Variants in PCDHGC3 observed in about 807,000 individuals in gnomAD.
PCDHGC3 encodes the protein protocadherin gamma-C3.
A neutral mutation model predicts 59.2 loss-of-function variants in PCDHGC3; 26 were observed. The observed-to-expected ratio is 0.44, with a 90% confidence interval of 0.32 to 0.61. The LOEUF (loss-of-function observed/expected upper bound fraction) is 0.61. Among genes scored for constraint, PCDHGC3 ranks in the 20% least tolerant of loss-of-function variants. The pLI is 0.05. For missense variants in PCDHGC3, 1,080 were observed against 1,221.8 expected (o/e 0.88, Z 1.73); for synonymous variants, 487 against 519.7 (o/e 0.94, Z 0.86).
At chr5:141,505,348 G>A (rs1414647950) in intron 2 of PCDHGC3, 45 bp from the exon 3 acceptor site, 1 of 1,613,358 alleles carries the variant, frequency 6.2e-7, no homozygotes, top group Admixed American at 1.7e-5. Context: ...GGCATGAGCT[G>A]TGCCGGCCTG....
chr5:141,492,695 A>G (rs925499358), intron 1 of PCDHGC3, among the ~76,000 whole-genome samples: 14 of 152,214 alleles, frequency 9.2e-5, no homozygotes, highest in African/African-American at 3.1e-4. Context: ...CGACCCCTCA[A>G]CCCAGAAGCC....
Position 141,477,902 on chromosome 5 carries a change from T to A in PCDHGC3, c.1786T>A (p.Trp596Arg). ...CCACCTAGTGTCACGGGTGGTAGGC[T>A]GGGACGCGGATGCAGGGCACAATGC... ...AGHLVSRVVG[W>R]DADAGHNAWL... The change falls in exon 1 of 4, where the codon TGG (tryptophan) becomes AGG (arginine). Residue 596 changes from tryptophan (W) to arginine (R), a missense_variant. Physicochemically the swap from Trp to Arg is moderately radical, Grantham distance 101. Transcript: ENST00000308177. The surrounding 1 kb of genome is among the most constrained non-coding windows in gnomAD (Gnocchi z 4.9). The A allele has an allele frequency of 6.2e-7, 1 of 1,614,176 alleles. No homozygotes were observed. Among genetic ancestry groups the A allele is most frequent in the Non-Finnish European group, 8.5e-7 (1 of 1,180,028 alleles).
intron 2 of PCDHGC3, among the ~76,000 whole-genome samples, chr5:141,498,945 G>C (rs1421135706): frequency 8.0e-6 from 1 of 125,434 alleles, no homozygotes; most frequent in Non-Finnish European, 1.6e-5. Context: ...AAGAAAGAAA[G>C]AAAAAGAGAG....
intron 2 of PCDHGC3, among the ~76,000 whole-genome samples, chr5:141,498,024 A>G (rs1455238086): frequency 6.6e-6 from 1 of 152,200 alleles, no homozygotes; most frequent in East Asian, 1.9e-4. Flanking sequence ...GGAGACAAAT[A>G]TTGACCAAAT....
intron 3 of PCDHGC3, 120 bp downstream of exon 3, chr5:141,505,601 C>T (rs1171679451): frequency 6.4e-7 from 1 of 1,550,630 alleles, no homozygotes; most frequent in Non-Finnish European, 8.7e-7. Flanking sequence ...GATCTTTCGG[C>T]AGGTCTGAAA....
Position 141,485,979 on chromosome 5 carries a change from C to T in PCDHGC3, c.2430+7433C>T. ...CTCATCCAGCTCAATGCCTCAGACC[C>T]GGACCTGGGTCCCAGTGGTAACGTC... is the stretch of plus-strand genomic sequence containing the variant. On this transcript the variant is annotated intron_variant, in intron 1 of 3. Coordinates refer to ENST00000308177, the MANE Select transcript of PCDHGC3 (RefSeq NM_002588.4). The surrounding 1 kb of genome is among the most constrained non-coding windows in gnomAD (Gnocchi z 5.7). The T allele has an allele frequency of 1.2e-6, 2 of 1,614,182 alleles. No individual in the cohort carries two copies. The highest frequency in any genetic ancestry group is 1.7e-6 in the Non-Finnish European group (2 of 1,180,022).
chr5:141,480,578 A>G (rs1343189182), intron 1 of PCDHGC3, among the ~76,000 whole-genome samples: 1 of 133,254 alleles, frequency 7.5e-6, no homozygotes, highest in Admixed American at 7.4e-5. Context: ...GCAAGAAATA[A>G]CTGCCGCTCT....
At position 141,487,700 on chromosome 5, in the gene PCDHGC3, C is replaced by A; in HGVS notation, c.2431-7107C>A. On this transcript the variant is annotated intron_variant, in intron 1 of 3. Coordinates refer to ENST00000308177, the MANE Select transcript of PCDHGC3 (RefSeq NM_002588.4). This position sits in a 1 kb window ranked among gnomAD's most constrained non-coding sequence, Gnocchi z 5.0. ...AGGCCATGTCCTAGAGAGTACTGGCCTCTCAGTAAGTGCCCATAGTGATGT... is the reference window on the plus strand; with the variant it reads ...AGGCCATGTCCTAGAGAGTACTGGCATCTCAGTAAGTGCCCATAGTGATGT... The A allele has an allele frequency of 6.3e-7, 1 of 1,597,514 alleles. No homozygotes were observed. Among genetic ancestry groups the A allele is most frequent in the African/African-American group, 1.3e-5 (1 of 74,868 alleles).
chr5:141,486,263 G>GAACCTGGC lies in PCDHGC3; in HGVS notation c.2430+7719_2430+7726dup. 6.2e-7 allele frequency: 1 copy of GAACCTGGC among 1,614,090 alleles called. No homozygotes were observed. Among genetic ancestry groups the GAACCTGGC allele is most frequent in the South Asian group, 1.1e-5 (1 of 91,064 alleles). On this transcript the variant is annotated intron_variant, in intron 1 of 3. Coordinates refer to ENST00000308177, the MANE Select transcript of PCDHGC3 (RefSeq NM_002588.4). This position sits in a 1 kb window ranked among gnomAD's most constrained non-coding sequence, Gnocchi z 5.0. ...GCTTGGAACCCTCCCCGAGAGTGCAGAACCTGGCACTGTGGTGGCACTTAT... is the reference window on the plus strand; with the variant it reads ...GCTTGGAACCCTCCCCGAGAGTGCAGAACCTGGCAACCTGGCACTGTGGTGGCACTTAT...
intron 1 of PCDHGC3, among the ~76,000 whole-genome samples, chr5:141,494,039 G>A (rs901795348): frequency 2.0e-5 from 3 of 152,144 alleles, no homozygotes; most frequent in Non-Finnish European, 4.4e-5. Context: ...GACTTAGTTG[G>A]CCCTGCTTGG....
In PCDHGC3 at chr5:141,478,068, A is replaced by G. The variant is rs560968418; in HGVS notation, c.1952A>G (p.Asn651Ser). The change falls in exon 1 of 4, where the codon AAT (asparagine) becomes AGT (serine). Residue 651 changes from asparagine to serine, a missense_variant. Transcript: ENST00000308177. The stretch of plus-strand genomic sequence containing the variant: ...ACTCTCACGGTCTTGATCAAAGACA[A>G]TGGGGAGCCTTCGCTCTCCACCACT... ...RQTLTVLIKD[N>S]GEPSLSTTAT... 3.7e-6 allele frequency: 6 copies of G among 1,614,134 alleles called. No individual in the cohort carries two copies. Among genetic ancestry groups the G allele is most frequent in the East Asian group, 4.5e-5 (2 of 44,884 alleles).
intron 1 of PCDHGC3, among the ~76,000 whole-genome samples, chr5:141,479,789 T>C (rs888217885): frequency 3.3e-5 from 5 of 152,196 alleles, no homozygotes; most frequent in Non-Finnish European, 2.9e-5. Flanking sequence ...AAAGCATTCA[T>C]TAATTCAGGG....
intron 2 of PCDHGC3, among the ~76,000 whole-genome samples, chr5:141,495,389 C>T (rs966648925): frequency 2.0e-5 from 3 of 152,204 alleles, no homozygotes; most frequent in African/African-American, 7.2e-5. Context: ...CTGGGCGGGG[C>T]ATGGAGCAGG....
intron 2 of PCDHGC3, among the ~76,000 whole-genome samples, chr5:141,503,388 A>C (rs1456500896): frequency 6.6e-6 from 1 of 152,004 alleles, no homozygotes; most frequent in East Asian, 1.9e-4. Flanking sequence ...TGAGGTCAGG[A>C]GTTCGAAACC....
intron 2 of PCDHGC3, among the ~76,000 whole-genome samples, chr5:141,499,868 A>G (rs2099794957): frequency 6.6e-6 from 1 of 152,024 alleles, no homozygotes; most frequent in Non-Finnish European, 1.5e-5. Context: ...TTGTATTTTC[A>G]GTACAAACAG....
chr5:141,506,398 A>T (rs902405970), intron 3 of PCDHGC3, among the ~76,000 whole-genome samples: 6 of 151,394 alleles, frequency 4.0e-5, no homozygotes, highest in Admixed American at 2.6e-4. Context: ...GTGAGCAGAA[A>T]ATCGCACCAC....
chr5:141,488,014 C>T (rs2099670661), intron 1 of PCDHGC3, among the ~76,000 whole-genome samples: 1 of 152,120 alleles, frequency 6.6e-6, no homozygotes, highest in South Asian at 2.1e-4. Context: ...TCTGAAGTAC[C>T]TTAACTCTAG....
At position 141,487,270 on chromosome 5, in the gene PCDHGC3, A is replaced by T. The variant is rs777469322; in HGVS notation, c.2431-7537A>T. 6.2e-7 allele frequency: 1 copy of T among 1,614,046 alleles called. No homozygotes were observed. Among genetic ancestry groups the T allele is most frequent in the South Asian group, 1.1e-5 (1 of 91,076 alleles). On this transcript the variant is annotated intron_variant, in intron 1 of 3. Transcript: ENST00000308177. The surrounding 1 kb of genome is among the most constrained non-coding windows in gnomAD (Gnocchi z 5.0). ...TCTACTTGGCTGTGTCCCTAGTGGC[A>T]ATTTGCTTTGTCTCCTTTGGCTCAT... is the stretch of plus-strand genomic sequence containing the variant.
chr5:141,485,033 T>C lies in PCDHGC3; in HGVS notation c.2430+6487T>C. 1 of 689,352 alleles carries C rather than the reference T, an allele frequency of 1.5e-6. No homozygotes were observed. The highest frequency in any genetic ancestry group is 2.5e-6 in the Non-Finnish European group (1 of 392,590). The allele number at this position is 689,352 out of a possible 1,614,324, so 42.7% of individuals were successfully genotyped here. On this transcript the variant is annotated intron_variant, in intron 1 of 3. Coordinates refer to ENST00000308177, the MANE Select transcript of PCDHGC3 (RefSeq NM_002588.4). This position sits in a 1 kb window ranked among gnomAD's most constrained non-coding sequence, Gnocchi z 5.7. ...CCCCGCCACCAGCAAAAACGGCGCG[T>C]AACCCTTGCGGCGCCGGCCGAACCG...
Sources: allele counts gnomAD v4.1 joint callset (sites outside exome capture counted in the v4.1 genomes callset), GRCh38; gene constraint gnomAD v4.1.1; non-coding constraint Gnocchi (gnomAD v3.1); transcripts MANE v1.5; gene names NCBI Gene and HGNC (gene_info 2026-07-23, HGNC 2026-07-21).